The following TRERF1 variants were observed in gnomAD, a reference collection of about 807,000 sequenced individuals.
TRERF1 encodes the protein transcriptional regulating factor 1.
TRERF1 carries 27 observed loss-of-function variants against 122.9 expected under a neutral mutation model. The ratio of observed to expected loss-of-function variants is 0.22; its 90% confidence interval spans 0.16 to 0.30. TRERF1 has a LOEUF of 0.30. Among genes scored for constraint, TRERF1 ranks in the 10% least tolerant of loss-of-function variants. The pLI, the probability that TRERF1 is intolerant of heterozygous loss-of-function variation, is 1.00. For synonymous variants in TRERF1, 636 were observed against 641.7 expected (o/e 0.99, Z 0.13); for missense variants, 1,248 against 1,560.3 (o/e 0.80, Z 3.37).
At chr6:42,365,800 T>C (rs1772613239) in intron 2 of TRERF1, among the ~76,000 whole-genome samples, 1 of 152,206 alleles carries the variant, frequency 6.6e-6, no homozygotes, top group African/African-American at 2.4e-5. Context: ...GATAAATGTC[T>C]CCTAAGTTAC....
exon 18 of TRERF1, chr6:42,226,790 A>T (rs543927277): frequency 2.6e-5 from 4 of 152,244 alleles, no homozygotes; most frequent in Non-Finnish European, 5.9e-5. Context: ...ATGTCAAGCT[A>T]TGAATGTTGT....
chr6:42,429,059 C>T (rs974116081), intron 2 of TRERF1, among the ~76,000 whole-genome samples: 5 of 152,170 alleles, frequency 3.3e-5, no homozygotes, highest in Non-Finnish European at 5.9e-5. Context: ...GCCCAGCAGG[C>T]GCTGGGTGAA....
intron 4 of TRERF1, among the ~76,000 whole-genome samples, chr6:42,284,037 T>C (rs550905928): frequency 2.6e-5 from 4 of 152,284 alleles, no homozygotes; most frequent in South Asian, 2.1e-4. Flanking sequence ...TCTTTGCTCA[T>C]AGATCTGTGG....
At chr6:42,338,769 T>G (rs1206702058) in intron 3 of TRERF1, among the ~76,000 whole-genome samples, 1 of 152,068 alleles carries the variant, frequency 6.6e-6, no homozygotes, top group Admixed American at 6.5e-5. Flanking sequence ...CTACCAGAGG[T>G]CCTTCCGCAC....
At chr6:42,330,425 T>C (rs1046199434) in intron 3 of TRERF1, among the ~76,000 whole-genome samples, 3 of 152,188 alleles carry the variant, frequency 2.0e-5, no homozygotes, top group African/African-American at 7.2e-5. Flanking sequence ...AGAATATTCA[T>C]GTTATATACA....
intron 4 of TRERF1, among the ~76,000 whole-genome samples, chr6:42,292,177 T>C (rs1271781604): frequency 6.6e-6 from 1 of 152,142 alleles, no homozygotes; most frequent in African/African-American, 2.4e-5. Flanking sequence ...GTTTCTGTTG[T>C]TTTGTTTTGA....
chr6:42,395,163 T>C (rs1170806756), intron 2 of TRERF1, among the ~76,000 whole-genome samples: 2 of 152,222 alleles, frequency 1.3e-5, no homozygotes, highest in Admixed American at 6.5e-5. Context: ...CACATGGGGC[T>C]GTGTGACCTT....
intron 16 of TRERF1, among the ~76,000 whole-genome samples, chr6:42,233,929 AAAG>A (rs374777977): frequency 2.9e-4 from 44 of 152,308 alleles, no homozygotes; most frequent in Middle Eastern, 3.4e-3. Context: ...CAGATGATAA[AAAG>A]AAGAAGGATC....
chr6:42,262,715 TA>T (rs1319210831), intron 8 of TRERF1, among the ~76,000 whole-genome samples: 1 of 151,960 alleles, frequency 6.6e-6, no homozygotes, highest in East Asian at 1.9e-4. Context: ...TTCCTGAGAT[TA>T]GGGGTGGGTG....
In TRERF1 at chr6:42,228,630, T is replaced by C. The variant is rs760094493; in HGVS notation, c.3318A>G (p.Lys1106=). Residue 1106 remains lysine (K), a synonymous_variant, in exon 18 of 18, where the codon AAA becomes AAG. Coordinates refer to ENST00000372922, the Ensembl canonical transcript of TRERF1. This position sits in a 1 kb window ranked among gnomAD's most constrained non-coding sequence, Gnocchi z 4.2. Reference sequence around the variant, plus strand: ...GTTGTTCCTCCTGCTGCCTGTGAGTTTTCATGTGTGCATTTCGGCTTTTGA... The same window carrying C: ...GTTGTTCCTCCTGCTGCCTGTGAGTCTTCATGTGTGCATTTCGGCTTTTGA... 6.2e-7 allele frequency: 1 copy of C among 1,612,208 alleles called. No individual in the cohort carries two copies. The highest frequency in any genetic ancestry group is 8.5e-7 in the Non-Finnish European group (1 of 1,179,312).
chr6:42,303,163 G>A (rs1175005266), intron 3 of TRERF1, among the ~76,000 whole-genome samples: 1 of 152,180 alleles, frequency 6.6e-6, no homozygotes, highest in African/African-American at 2.4e-5. Flanking sequence ...TGCCTAGTAT[G>A]TACTAGGCAA....
At chr6:42,303,779 G>T (rs1020364186) in intron 3 of TRERF1, among the ~76,000 whole-genome samples, 1 of 151,842 alleles carries the variant, frequency 6.6e-6, no homozygotes, top group African/African-American at 2.4e-5. Context: ...AGCCAGGTGT[G>T]GTGGTTTGTG....
intron 2 of TRERF1, among the ~76,000 whole-genome samples, chr6:42,425,968 G>A (rs920233230): frequency 8.5e-5 from 13 of 152,076 alleles, no homozygotes; most frequent in Non-Finnish European, 1.8e-4. Context: ...TGGGGAGCAG[G>A]GCTCTGGAAT....
chr6:42,266,839 G>GT (rs1779286340), intron 5 of TRERF1, among the ~76,000 whole-genome samples: 1 of 152,172 alleles, frequency 6.6e-6, no homozygotes, highest in Non-Finnish European at 1.5e-5. Flanking sequence ...TGGCTAGACT[G>GT]TTTTTTAAAA....
At chr6:42,444,392 G>C (rs1438041640) in intron 2 of TRERF1, among the ~76,000 whole-genome samples, 1 of 152,106 alleles carries the variant, frequency 6.6e-6, no homozygotes. Context: ...CAGTAACGCA[G>C]TCAAATGTTC....
chr6:42,397,551 T>C (rs570760629), intron 2 of TRERF1, among the ~76,000 whole-genome samples: 11 of 152,160 alleles, frequency 7.2e-5, no homozygotes, highest in Non-Finnish European at 1.6e-4. Context: ...CCCAATGCCT[T>C]TGCCCCAGGA....
intron 15 of TRERF1, among the ~76,000 whole-genome samples, chr6:42,238,972 A>G (rs557964175): frequency 7.2e-4 from 110 of 152,328 alleles, no homozygotes; most frequent in Non-Finnish European, 1.4e-3. Flanking sequence ...CTGGTAAAAA[A>G]GTTGAACTGA....
At chr6:42,277,931 A>AAGAAGC (rs1430600093) in intron 4 of TRERF1, among the ~76,000 whole-genome samples, 125 of 148,666 alleles carry the variant, frequency 8.4e-4, no homozygotes, top group African/African-American at 2.8e-3. Flanking sequence ...GAAGAAGAAG[A>AAGAAGC]AGAAGAAGAA....
chr6:42,273,561 A>C (rs767209166), intron 4 of TRERF1, among the ~76,000 whole-genome samples: 3 of 152,224 alleles, frequency 2.0e-5, no homozygotes, highest in Non-Finnish European at 4.4e-5. Context: ...AGGACCAGGA[A>C]GGGTATTCCA....
Sources: gnomAD v4.1 joint callset for allele counts (sites outside exome capture counted in the v4.1 genomes callset) on GRCh38, gnomAD v4.1.1 for gene constraint, Gnocchi (gnomAD v3.1) non-coding constraint, MANE v1.5 for transcripts, NCBI Gene and HGNC (gene_info 2026-07-23, HGNC 2026-07-21) for gene names.